The following LMO3 variants were observed in gnomAD, a reference collection of about 807,000 sequenced individuals.
LMO3 encodes LIM domain only protein 3.
LMO3 carries 2 observed loss-of-function variants against 15.8 expected under a neutral mutation model. The observed-to-expected ratio is 0.13, with a 90% CI of 0.05 to 0.40. LMO3 has a LOEUF of 0.40. Among genes scored for constraint, LMO3 ranks in the 10% least tolerant of loss-of-function variants. The pLI, the probability that LMO3 is intolerant of heterozygous loss-of-function variation, is 0.99. For missense variants in LMO3, 86 were observed against 182.2 expected, an observed-to-expected ratio of 0.47 and a Z score of 3.04; for synonymous variants, 62 against 63.8, an observed-to-expected ratio of 0.97 and a Z score of 0.13.
At chr12:16,564,593 G>C (rs1942525534) in intron 2 of LMO3, among the ~76,000 whole-genome samples, 1 of 152,130 alleles carries the variant, frequency 6.6e-6, no homozygotes, top group Admixed American at 6.5e-5. Flanking sequence ...TGTTTCTATA[G>C]ATTTTTTTAA....
chr12:16,591,295 C>A lies in LMO3; in HGVS notation c.206+9360G>T, dbSNP rs1353340632. On this transcript the variant is annotated intron_variant, in intron 2 of 3. Transcript: ENST00000537304. The surrounding 1 kb of genome is among the most constrained non-coding windows in gnomAD (Gnocchi z 4.1). Reference sequence around the variant, plus strand: ...TGGATGTTCCTGAGCCCAGAATGTCCTTCCCATACGTGATCATGGCTAGCT... The same window carrying A: ...TGGATGTTCCTGAGCCCAGAATGTCATTCCCATACGTGATCATGGCTAGCT... Among the ~76,000 whole-genome samples the A allele has an allele frequency of 6.6e-6, 1 of 151,964 alleles. No individual in the cohort carries two copies. Among genetic ancestry groups the A allele is most frequent in the African/African-American group, 2.4e-5 (1 of 41,402 alleles).
Position 16,603,644 on chromosome 12 carries a change from G to A in LMO3, c.-9+2422C>T, listed in dbSNP as rs1943897891. 6.6e-6 allele frequency among the ~76,000 whole-genome samples: 1 copy of A among 152,204 alleles called. No homozygotes were observed. Among genetic ancestry groups the A allele is most frequent in the Non-Finnish European group, 1.5e-5 (1 of 68,046 alleles). On this transcript the variant is annotated intron_variant, in intron 1 of 3. Coordinates refer to ENST00000537304, the MANE Select transcript of LMO3 (RefSeq NM_018640.5). The surrounding 1 kb of genome is among the most constrained non-coding windows in gnomAD (Gnocchi z 4.9). ...AGACATAAATAATAGCCTGTGCAGT[G>A]TGGTGTGCAGAAATAAGTAGAACCA...
chr12:16,551,431 G>C, intron 3 of LMO3, 104 bp from the exon 4 acceptor site: 1 of 693,864 alleles, frequency 1.4e-6, no homozygotes, highest in Non-Finnish European at 2.5e-6. Context: ...GTAATTCCCT[G>C]AATCTGAAAA....
chr12:16,553,180 G>A (rs1942057044), intron 3 of LMO3, among the ~76,000 whole-genome samples: 1 of 152,002 alleles, frequency 6.6e-6, no homozygotes, highest in Non-Finnish European at 1.5e-5. Context: ...CATTGTCATG[G>A]CTTTTTACAG....
intron 2 of LMO3, among the ~76,000 whole-genome samples, chr12:16,583,030 G>A (rs546086358): frequency 8.2e-5 from 11 of 134,020 alleles, no homozygotes; most frequent in African/African-American, 3.1e-4. Flanking sequence ...CTGGGTGACA[G>A]TGCGAGACTC....
rs1943493864 is a variant in LMO3 at position 16,591,505 on chromosome 12, CT to C, written c.206+9149del. On this transcript the variant is annotated intron_variant, in intron 2 of 3. Transcript: ENST00000537304. This position sits in a 1 kb window ranked among gnomAD's most constrained non-coding sequence, Gnocchi z 4.1. ...CTATTTCCCCTAAGTAGAATATAAACTCTACAAGGGGAGCAGGTATTTTTGT... is the reference window on the plus strand; with the variant it reads ...CTATTTCCCCTAAGTAGAATATAAACCTACAAGGGGAGCAGGTATTTTTGT... Among the ~76,000 whole-genome samples the C allele has an allele frequency of 6.7e-6, 1 of 148,178 alleles. No individual in the cohort carries two copies. The highest frequency in any genetic ancestry group is 1.5e-5 in the Non-Finnish European group (1 of 67,204).
At chr12:16,600,291 CAAAA>C (rs35993210) in intron 2 of LMO3, 97 of 69,636 alleles carry the variant, frequency 1.4e-3, no homozygotes, top group South Asian at 7.8e-3. Flanking sequence ...CCTTAAGCTC[CAAAA>C]AAAAAAAAAA....
intron 2 of LMO3, among the ~76,000 whole-genome samples, chr12:16,590,210 A>T (rs969092318): frequency 2.0e-5 from 3 of 152,126 alleles, no homozygotes; most frequent in African/African-American, 7.2e-5. Context: ...TTTGAGGATT[A>T]TGCTTAGCTC....
chr12:16,551,833 A>G (rs1158283893), intron 3 of LMO3, among the ~76,000 whole-genome samples: 2 of 152,026 alleles, frequency 1.3e-5, no homozygotes, highest in African/African-American at 4.8e-5. Flanking sequence ...CTCTGTTATT[A>G]AAATGTGATT....
chr12:16,567,894 C>T (rs576332468), intron 2 of LMO3, among the ~76,000 whole-genome samples: 28 of 152,248 alleles, frequency 1.8e-4, no homozygotes, highest in Non-Finnish European at 2.6e-4. Context: ...TCCTAAGATC[C>T]GCCAACCACT....
rs185474069 is a variant in LMO3 at position 16,573,243 on chromosome 12, G to A, written c.207-12705C>T. ...TAAATACTATTTGGGGGTTTAGAGAGAATATTGAATAAGGCAGGTCCAATT... is the reference window on the plus strand; with the variant it reads ...TAAATACTATTTGGGGGTTTAGAGAAAATATTGAATAAGGCAGGTCCAATT... On this transcript the variant is annotated intron_variant, in intron 2 of 3. Transcript: ENST00000537304. Among the ~76,000 whole-genome samples, 1,459 of 152,180 alleles carry A rather than the reference G, an allele frequency of 9.6e-3. 8 individuals carry two copies. The highest frequency in any genetic ancestry group is 0.017 in the Non-Finnish European group (1,143 of 67,998).
intron 2 of LMO3, among the ~76,000 whole-genome samples, chr12:16,565,667 T>TTTTCATGGATGA (rs1188842691): frequency 3.3e-5 from 5 of 152,048 alleles, no homozygotes; most frequent in African/African-American, 9.7e-5. Flanking sequence ...ATATTAAATA[T>TTTTCATGGATGA]TTTCATGGAT....
chr12:16,605,932 G>T, intron 1 of LMO3, 134 bp downstream of exon 1: 3 of 1,074,158 alleles, frequency 2.8e-6, no homozygotes, highest in Non-Finnish European at 4.1e-6. Context: ...GAGCTGGGTT[G>T]CAGCTCCAGT....
chr12:16,563,458 A>G (rs1942476233), intron 2 of LMO3, among the ~76,000 whole-genome samples: 1 of 152,218 alleles, frequency 6.6e-6, no homozygotes, highest in South Asian at 2.1e-4. Flanking sequence ...ATATATGTCA[A>G]TTAAGCATAA....
chr12:16,560,838 T>G lies in LMO3; in HGVS notation c.207-300A>C. On this transcript the variant is annotated intron_variant, in intron 2 of 3. Coordinates refer to ENST00000537304, the MANE Select transcript of LMO3 (RefSeq NM_018640.5). This position sits in a 1 kb window ranked among gnomAD's most constrained non-coding sequence, Gnocchi z 5.0. ...GGGGTGAATTCATAGCAAAAATCTC[T>G]GGGTTAGAGTATATAGAAAATATAA... 1 of 400,884 alleles carries G rather than the reference T, an allele frequency of 2.5e-6. No individual in the cohort carries two copies. 24.8% of individuals were successfully genotyped at this position (400,884 alleles called of 1,614,324 possible).
Position 16,575,839 on chromosome 12 carries a change from G to T in LMO3, c.207-15301C>A, listed in dbSNP as rs150762585. Reference sequence around the variant, plus strand: ...TAAATTCTTCACTTTCTACTCACCAGGGCCTTACAGTCTAGTTCTCCCTAC... The same window carrying T: ...TAAATTCTTCACTTTCTACTCACCATGGCCTTACAGTCTAGTTCTCCCTAC... On this transcript the variant is annotated intron_variant, in intron 2 of 3. Coordinates refer to ENST00000537304, the MANE Select transcript of LMO3 (RefSeq NM_018640.5). 6.5e-3 allele frequency among the ~76,000 whole-genome samples: 988 copies of T among 152,060 alleles called. 12 individuals carry two copies. Among genetic ancestry groups the T allele is most frequent in the African/African-American group, 0.023 (954 of 41,452 alleles).
chr12:16,563,308 C>G (rs1942469355), intron 2 of LMO3, among the ~76,000 whole-genome samples: 1 of 152,030 alleles, frequency 6.6e-6, no homozygotes, highest in Admixed American at 6.6e-5. Context: ...TTCGAGTTCT[C>G]TTTTTTCTCA....
At position 16,579,079 on chromosome 12, in the gene LMO3, G is replaced by A. The variant is rs1032801991; in HGVS notation, c.207-18541C>T. The stretch of plus-strand genomic sequence containing the variant: ...CAACCCAAACACTCTCTAGAGCTTA[G>A]TTTTTTAAAAAGGCACTGATTATAA... On this transcript the variant is annotated intron_variant, in intron 2 of 3. Transcript: ENST00000537304. 4.6e-5 allele frequency among the ~76,000 whole-genome samples: 7 copies of A among 152,130 alleles called. No homozygotes were observed. The East Asian group carries it at 5.8e-4, about 13-fold the overall frequency.
intron 3 of LMO3, among the ~76,000 whole-genome samples, chr12:16,556,473 A>G (rs1028944602): frequency 7.2e-5 from 11 of 152,244 alleles, no homozygotes; most frequent in African/African-American, 2.7e-4. Context: ...TTTTTAAAAC[A>G]TTCAGAAATG....
Sources: allele counts gnomAD v4.1 joint callset (sites outside exome capture counted in the v4.1 genomes callset), GRCh38; gene constraint gnomAD v4.1.1; non-coding constraint Gnocchi (gnomAD v3.1); transcripts MANE v1.5; gene names NCBI Gene and HGNC (gene_info 2026-07-23, HGNC 2026-07-21).